Variants in MYO16 observed in about 807,000 individuals in gnomAD.
MYO16 encodes myosin XVI, also known as unconventional myosin-XVI.
A neutral mutation model predicts 205.3 loss-of-function variants in MYO16; 94 were observed. The observed-to-expected ratio is 0.46, with a 90% CI of 0.39 to 0.54. MYO16 has a LOEUF of 0.54. MYO16 is among the 20% of genes least tolerant of loss of function. The probability of loss-of-function intolerance (pLI) is 0.00; values close to 1 mark genes in which losing one functional copy is unlikely to be tolerated. For missense variants in MYO16, 2,315 were observed against 2,387.5 expected (o/e 0.97, Z 0.63); for synonymous variants, 988 against 954.0 (o/e 1.04, Z -0.66).
the MYO16 span, among the ~76,000 whole-genome samples, chr13:108,496,350 G>A: frequency 6.6e-6 from 1 of 152,210 alleles, no homozygotes; most frequent in East Asian, 1.9e-4. Context: ...TCCCAGGCGC[G>A]ATGGGGGCTC....
In MYO16 at chr13:109,010,957, T is replaced by TTATATATATATATATATATA. The variant is rs67321937; in HGVS notation, c.2595+1927_2595+1928insATATATATATATATATATAT. Among the ~76,000 whole-genome samples, 373 of 118,486 alleles carry TTATATATATATATATATATA rather than the reference T, an allele frequency of 3.1e-3. 14 individuals are homozygous for TTATATATATATATATATATA. The highest frequency in any genetic ancestry group is 5.9e-3 in the African/African-American group (189 of 32,218). 77.7% of individuals were successfully genotyped at this position (118,486 alleles called of 152,430 possible). A position where few individuals can be genotyped will look rare whatever the true frequency, so the allele number is the denominator to read the frequency against. On this transcript the variant is annotated intron_variant, in intron 22 of 34. Coordinates refer to ENST00000457511, the MANE Select transcript of MYO16 (RefSeq NM_001198950.3). ...TCTATTATATATATTACATATAATA[T>TTATATATATATATATATATA]TATATATATATATATATATTTCTTC...
chr13:109,005,585 G>A (rs1175285949), intron 21 of MYO16, among the ~76,000 whole-genome samples: 4 of 152,046 alleles, frequency 2.6e-5, no homozygotes, highest in Non-Finnish European at 5.9e-5. Flanking sequence ...AACTCCATCA[G>A]GTTGTAAGAA....
At chr13:108,668,786 G>C (rs1881854495) in intron 2 of MYO16, among the ~76,000 whole-genome samples, 1 of 152,150 alleles carries the variant, frequency 6.6e-6, no homozygotes, top group African/African-American at 2.4e-5. Context: ...TTCATCTCCT[G>C]TTCCAGAGGC....
the MYO16 span, among the ~76,000 whole-genome samples, chr13:108,549,043 C>T: frequency 2.0e-5 from 3 of 152,080 alleles, no homozygotes; most frequent in East Asian, 1.9e-4. Context: ...TGAACATACA[C>T]GAGGGCAGGG....
chr13:109,024,045 T>C (rs1308192310), intron 23 of MYO16, among the ~76,000 whole-genome samples: 1 of 145,350 alleles, frequency 6.9e-6, no homozygotes, highest in Non-Finnish European at 1.5e-5. Context: ...TTTATATTTA[T>C]ATATAAATTC....
intron 20 of MYO16, among the ~76,000 whole-genome samples, chr13:108,988,950 T>A (rs978388137): frequency 2.0e-5 from 3 of 152,144 alleles, no homozygotes; most frequent in Non-Finnish European, 4.4e-5. Flanking sequence ...CTCTTACCAC[T>A]GGCAAAACCA....
rs538355615 is a variant in MYO16, at chr13:108,932,203, T to C, written c.1925+22053T>C. ...TTCTCAAATACTGTTTCTTGTTCTTTTCTCATATTTCTAGTTCTTTTTATA... is the reference window on the plus strand; with the variant it reads ...TTCTCAAATACTGTTTCTTGTTCTTCTCTCATATTTCTAGTTCTTTTTATA... On this transcript the variant is annotated intron_variant, in intron 16 of 34. Coordinates refer to ENST00000457511, the MANE Select transcript of MYO16 (RefSeq NM_001198950.3). Among the ~76,000 whole-genome samples, 17 of 152,230 alleles carry C rather than the reference T, an allele frequency of 1.1e-4. No homozygotes were observed. The South Asian group carries it at 3.5e-3, about 32-fold the overall frequency.
At position 109,190,303 on chromosome 13, in the gene MYO16, C is replaced by T. The variant is rs533828611; in HGVS notation, c.5415+10670C>T. ...AATGTAATTTTACATTTTTTCTGTA[C>T]GGATAACAATTGTTCCACACTTTTT... On this transcript the variant is annotated intron_variant, in intron 34 of 34. Coordinates refer to ENST00000457511, the MANE Select transcript of MYO16 (RefSeq NM_001198950.3). 7.9e-5 allele frequency among the ~76,000 whole-genome samples: 12 copies of T among 152,228 alleles called. No individual in the cohort carries two copies. The East Asian group carries it at 1.9e-3, about 24-fold the overall frequency.
chr13:108,802,601 G>T (rs1427796079), intron 6 of MYO16, among the ~76,000 whole-genome samples: 1 of 152,156 alleles, frequency 6.6e-6, no homozygotes, highest in Non-Finnish European at 1.5e-5. Context: ...CCAGAGTGGG[G>T]TTTGTGGATC....
At chr13:108,908,981 T>A (rs1821090) in intron 15 of MYO16, among the ~76,000 whole-genome samples, 74,284 of 146,050 alleles carry the variant, frequency 0.51, 19,776 homozygotes, top group East Asian at 0.68. Flanking sequence ...TCAAAAAAAA[T>A]AAAATAAAAT....
At chr13:108,925,589 C>T (rs186088155) in intron 16 of MYO16, among the ~76,000 whole-genome samples, 2 of 152,276 alleles carry the variant, frequency 1.3e-5, no homozygotes, top group Admixed American at 6.5e-5. Context: ...TCTTCCCTGT[C>T]CCAGTAAATG....
chr13:108,687,707 A>G (rs931204567), intron 2 of MYO16, among the ~76,000 whole-genome samples: 1 of 152,244 alleles, frequency 6.6e-6, no homozygotes, highest in Admixed American at 6.5e-5. Flanking sequence ...ATTCCAAAAT[A>G]CTGATTAGTT....
upstream of MYO16, among the ~76,000 whole-genome samples, chr13:108,626,486 C>T (rs756059089): frequency 1.3e-5 from 2 of 152,176 alleles, no homozygotes; most frequent in Non-Finnish European, 2.9e-5. Context: ...TTTCTTGCTA[C>T]TGTCATCAAC....
chr13:108,807,819 T>C (rs1398683704), intron 7 of MYO16, among the ~76,000 whole-genome samples: 2 of 152,176 alleles, frequency 1.3e-5, no homozygotes, highest in Non-Finnish European at 2.9e-5. Flanking sequence ...AGCTGTTTCT[T>C]CTTCTAAAAA....
rs145187326 is a variant in MYO16, at chr13:108,658,426, TTGTGTG to T, written c.29-7432_29-7427del. On this transcript the variant is annotated intron_variant, in intron 1 of 34. Coordinates refer to ENST00000457511, the MANE Select transcript of MYO16 (RefSeq NM_001198950.3). ...CTTCCTTCTTTTTTTTGTTTCAACTTTGTGTGTGTGTGTGTGTGTGTGTGTGTGTGT... is the reference window on the plus strand; with the variant it reads ...CTTCCTTCTTTTTTTTGTTTCAACTTTGTGTGTGTGTGTGTGTGTGTGTGT... Among the ~76,000 whole-genome samples, 756 of 145,284 alleles carry T rather than the reference TTGTGTG, an allele frequency of 5.2e-3. 6 individuals carry two copies. Among genetic ancestry groups the T allele is most frequent in the African/African-American group, 0.018 (695 of 39,352 alleles).
intron 4 of MYO16, among the ~76,000 whole-genome samples, chr13:108,754,532 G>A (rs72666801): frequency 4.3e-4 from 66 of 152,210 alleles, no homozygotes; most frequent in Non-Finnish European, 6.6e-4. Flanking sequence ...GTGTGTGTGT[G>A]TAATAAAAAT....
chr13:108,866,286 A>G, intron 12 of MYO16, 44 bp downstream of exon 12: 1 of 1,252,424 alleles, frequency 8.0e-7, no homozygotes. Flanking sequence ...GTAGAGTAAT[A>G]CTTTCTAGTC....
chr13:109,124,846 T>G (rs549621225), intron 29 of MYO16, among the ~76,000 whole-genome samples: 2 of 152,290 alleles, frequency 1.3e-5, no homozygotes, highest in African/African-American at 4.8e-5. Flanking sequence ...TCCCACTGAT[T>G]TAACTCCAGT....
In MYO16 at chr13:108,996,938, TGCAAAG is replaced by T. The variant is rs1885019979; in HGVS notation, c.2442+4494_2442+4499del. The stretch of plus-strand genomic sequence containing the variant: ...TACATTCTCCCACTAAACACATACA[TGCAAAG>T]GCATGTAGTGAATCTCTTAAAGCCA... On this transcript the variant is annotated intron_variant, in intron 21 of 34. Coordinates refer to ENST00000457511, the MANE Select transcript of MYO16 (RefSeq NM_001198950.3). Among the ~76,000 whole-genome samples the T allele has an allele frequency of 2.0e-5, 3 of 152,152 alleles. 1 individual carries two copies. The South Asian group carries it at 6.2e-4, about 32-fold the overall frequency.
Sources: allele counts gnomAD v4.1 joint callset (sites outside exome capture counted in the v4.1 genomes callset), GRCh38; gene constraint gnomAD v4.1.1; transcripts MANE v1.5; gene names NCBI Gene and HGNC (gene_info 2026-07-23, HGNC 2026-07-21).